The following LPIN2 variants were observed in gnomAD, a reference collection of about 807,000 sequenced individuals.
LPIN2 encodes the protein phosphatidate phosphatase LPIN2.
A neutral mutation model predicts 111.4 loss-of-function variants in LPIN2; 55 were observed. That is an observed-to-expected ratio of 0.49 (90% CI 0.40 to 0.62). LPIN2 has a LOEUF of 0.62. Ranked by LOEUF, LPIN2 falls within the 20% of genes least tolerant of loss-of-function variation. The pLI is 0.00. For missense variants in LPIN2, 992 were observed against 1,112.1 expected (o/e 0.89, Z 1.54); for synonymous variants, 425 against 414.0 (o/e 1.03, Z -0.32).
intron 18 of LPIN2, 46 bp from the exon 19 acceptor site, chr18:2,920,927 A>T (rs566010826): frequency 7.8e-7 from 1 of 1,274,498 alleles, no homozygotes; most frequent in Non-Finnish European, 1.1e-6. Flanking sequence ...AGGAGAATTC[A>T]GGAGATACTT....
chr18:2,986,547 T>TGGAAAAA (rs10692682), intron 1 of LPIN2, among the ~76,000 whole-genome samples: 1 of 135,044 alleles, frequency 7.4e-6, no homozygotes, highest in Non-Finnish European at 1.6e-5. Context: ...TTTTTTAATG[T>TGGAAAAA]AAAAAAAAAA....
intron 8 of LPIN2, 148 bp downstream of exon 8, chr18:2,934,203 T>C (rs1440845655): frequency 1.3e-5 from 8 of 618,128 alleles, no homozygotes; most frequent in African/African-American, 1.1e-4. Context: ...ACACGCGCTA[T>C]TTCTAAATTT....
At chr18:2,938,440 C>A (rs2077321748) in intron 6 of LPIN2, among the ~76,000 whole-genome samples, 1 of 152,164 alleles carries the variant, frequency 6.6e-6, no homozygotes, top group Non-Finnish European at 1.5e-5. Context: ...AAGATAATTT[C>A]TTGAACCCAG....
chr18:2,986,771 T>C (rs2078193307), intron 1 of LPIN2, among the ~76,000 whole-genome samples: 1 of 152,042 alleles, frequency 6.6e-6, no homozygotes, highest in East Asian at 1.9e-4. Context: ...ATACTGAGAG[T>C]TGCCTGGCTG....
At chr18:2,958,152 A>AAAAAC (rs2077645116) in intron 2 of LPIN2, among the ~76,000 whole-genome samples, 1 of 116,530 alleles carries the variant, frequency 8.6e-6, no homozygotes, top group Non-Finnish European at 1.8e-5. Flanking sequence ...AAAAAAAAAA[A>AAAAAC]AAAAACAACA....
At chr18:3,003,455 A>AGAGGGACC (rs1162077041) in intron 1 of LPIN2, among the ~76,000 whole-genome samples, 2 of 152,212 alleles carry the variant, frequency 1.3e-5, no homozygotes, top group Non-Finnish European at 2.9e-5. Flanking sequence ...GACCCTAAAC[A>AGAGGGACC]GAGGGACCAG....
intron 1 of LPIN2, among the ~76,000 whole-genome samples, chr18:2,998,951 A>G (rs1489329576): frequency 6.6e-6 from 1 of 152,234 alleles, no homozygotes; most frequent in Admixed American, 6.5e-5. Context: ...ACATGCAGAA[A>G]TTTTGGCAGT....
chr18:2,926,875 C>A (rs954639493), intron 12 of LPIN2, 70 bp from the exon 13 acceptor site: 2 of 1,217,530 alleles, frequency 1.6e-6, no homozygotes, highest in African/African-American at 1.5e-5. Flanking sequence ...CATCAGCAGC[C>A]CTCTCTAGGA....
chr18:3,008,955 C>G (rs1454259154), intron 1 of LPIN2, among the ~76,000 whole-genome samples: 1 of 147,370 alleles, frequency 6.8e-6, no homozygotes, highest in Non-Finnish European at 1.5e-5. Flanking sequence ...AGGGCTCAGG[C>G]CTCATACCCA....
At chr18:2,964,457 G>GT (rs2077761876) in intron 1 of LPIN2, among the ~76,000 whole-genome samples, 1 of 152,072 alleles carries the variant, frequency 6.6e-6, no homozygotes, top group Non-Finnish European at 1.5e-5. Context: ...AGGTCACATG[G>GT]GTGGAGCCTC....
intron 16 of LPIN2, 117 bp downstream of exon 16, chr18:2,923,658 G>C: frequency 1.1e-6 from 1 of 895,964 alleles, no homozygotes; most frequent in East Asian, 2.4e-5. Context: ...GGAAGAGCGG[G>C]AATGCTTCAG....
rs1206126047 is a variant in LPIN2 at position 2,956,128 on chromosome 18, T to C, written c.193-1529A>G. Among the ~76,000 whole-genome samples, 7 of 152,092 alleles carry C rather than the reference T, an allele frequency of 4.6e-5. No individual in the cohort carries two copies. The East Asian group carries it at 1.3e-3, about 29-fold the overall frequency. ...ATTCACAGAGATTTGAGTTAGCAATTCTGAAACTATTTTGTGTTTCCTAGG... is the reference window on the plus strand; with the variant it reads ...ATTCACAGAGATTTGAGTTAGCAATCCTGAAACTATTTTGTGTTTCCTAGG... On this transcript the variant is annotated intron_variant, in intron 2 of 19. Transcript: ENST00000677752.
Position 2,951,347 on chromosome 18 carries a change from G to A in LPIN2, c.298C>T (p.Pro100Ser). 6.2e-7 allele frequency: 1 copy of A among 1,613,912 alleles called. No homozygotes were observed. The highest frequency in any genetic ancestry group is 1.1e-5 in the South Asian group (1 of 91,076). Residue 100 changes from proline (P) to serine (S), a missense_variant, in exon 4 of 20, where the codon CCT becomes TCT. By Grantham distance (74) the Pro-to-Ser change is moderately conservative (BLOSUM62 -1). This residue lies in a region of LPIN2 where 709 missense variants were observed against 753.2 expected (regional missense o/e 0.94). Transcript: ENST00000677752. ...EETEEEYEKL[P>S]AYLATSPIPT... ...ATTGGTGAGGTGGCAAGGTAAGCAG[G>A]AAGCTTTTCCTTGAGGAGAATGGAG...
chr18:3,009,053 C>T (rs999154371), intron 1 of LPIN2, among the ~76,000 whole-genome samples: 15 of 151,872 alleles, frequency 9.9e-5, no homozygotes, highest in African/African-American at 3.6e-4. Context: ...GCTCACTTGA[C>T]CCCAGGAGTC....
Position 2,934,264 on chromosome 18 carries a change from G to C in LPIN2, c.1268+87C>G, listed in dbSNP as rs560035534. The stretch of plus-strand genomic sequence containing the variant: ...TTTAGCTAAAGGACACCATCATCTT[G>C]TTCCTTTTTCCTGAGATGAAATGTT... On this transcript the variant is annotated intron_variant, in intron 8 of 19. Coordinates refer to ENST00000677752, the MANE Select transcript of LPIN2 (RefSeq NM_001375808.2). 38 of 1,017,660 alleles carry C rather than the reference G, an allele frequency of 3.7e-5. No individual in the cohort carries two copies. The East Asian group carries it at 8.4e-4, about 22-fold the overall frequency. The allele number at this position is 1,017,660 out of a possible 1,614,324, so 63.0% of individuals were successfully genotyped here.
At chr18:2,978,492 A>T (rs1467599134) in intron 1 of LPIN2, among the ~76,000 whole-genome samples, 2 of 152,252 alleles carry the variant, frequency 1.3e-5, no homozygotes, top group Admixed American at 1.3e-4. Flanking sequence ...GACAAATTCA[A>T]CAAAATATCT....
chr18:2,968,972 A>T (rs985879492), intron 1 of LPIN2, among the ~76,000 whole-genome samples: 2 of 152,188 alleles, frequency 1.3e-5, no homozygotes, highest in African/African-American at 4.8e-5. Context: ...GGGAGCTGAG[A>T]ATCAGTTAGT....
chr18:2,944,605 C>A (rs1653131900), intron 4 of LPIN2, among the ~76,000 whole-genome samples: 1 of 152,104 alleles, frequency 6.6e-6, no homozygotes, highest in African/African-American at 2.4e-5. Context: ...CCGCCTCGGC[C>A]TCCCAAAGTG....
chr18:2,958,688 C>G (rs2077660919), intron 2 of LPIN2, among the ~76,000 whole-genome samples: 1 of 152,096 alleles, frequency 6.6e-6, no homozygotes, highest in Non-Finnish European at 1.5e-5. Flanking sequence ...TTTCCTGTGT[C>G]TCATGAGTAC....
Sources: gnomAD v4.1 joint callset for allele counts (sites outside exome capture counted in the v4.1 genomes callset) on GRCh38, gnomAD v4.1.1 for gene constraint, gnomAD v4.1.1 regional missense constraint, MANE v1.5 for transcripts, NCBI Gene and HGNC (gene_info 2026-07-23, HGNC 2026-07-21) for gene names.